Variants in KLRG1 observed in about 807,000 individuals in gnomAD.
The protein encoded by KLRG1 is killer cell lectin like receptor G1.
Under a neutral mutation model 21.8 loss-of-function variants are expected in KLRG1, and 16 were observed. The ratio of observed to expected loss-of-function variants is 0.73; its 90% confidence interval spans 0.50 to 1.11. KLRG1 has a LOEUF of 1.11. KLRG1 is among the 50% of genes most tolerant of loss of function. The pLI is 0.00. For missense variants in KLRG1, 173 were observed against 218.3 expected (o/e 0.79, Z 1.31); for synonymous variants, 69 against 75.9 (o/e 0.91, Z 0.47).
chr12:9,158,695 TGA>T, the KLRG1 span: 1 of 962,754 alleles, frequency 1.0e-6, no homozygotes. Context: ...CAGCTGTTAC[TGA>T]GAGTTTGGAG....
the KLRG1 span, among the ~76,000 whole-genome samples, chr12:9,108,721 C>T: frequency 6.6e-6 from 1 of 152,044 alleles, no homozygotes; most frequent in Admixed American, 6.5e-5. Flanking sequence ...ATCCAGGAAA[C>T]AAGACTTTTC....
the KLRG1 span, chr12:9,064,485 T>A: frequency 6.5e-6 from 1 of 154,700 alleles, no homozygotes; most frequent in Non-Finnish European, 1.5e-5. This position sits in a 1 kb window ranked among gnomAD's most constrained non-coding sequence, Gnocchi z 4.0. Context: ...TGGGGCGACG[T>A]GCTCCCCGGC....
At chr12:9,057,211 C>G in the KLRG1 span, among the ~76,000 whole-genome samples, 1 of 152,186 alleles carries the variant, frequency 6.6e-6, no homozygotes, top group Non-Finnish European at 1.5e-5. Flanking sequence ...GAGGTTTGGC[C>G]TCCACTTCCA....
At chr12:9,024,067 T>C in the KLRG1 span, among the ~76,000 whole-genome samples, 1 of 135,950 alleles carries the variant, frequency 7.4e-6, no homozygotes, top group East Asian at 2.2e-4. Flanking sequence ...CTCTCTCTAT[T>C]GCCCAGGCTG....
chr12:9,181,868 G>T, the KLRG1 span: 3 of 1,249,762 alleles, frequency 2.4e-6, no homozygotes, highest in East Asian at 2.5e-5. Context: ...GGGAACTGTT[G>T]GGCAACTCAT....
At chr12:9,029,019 T>C in the KLRG1 span, 2 of 591,350 alleles carry the variant, frequency 3.4e-6, no homozygotes, top group East Asian at 3.8e-5. Flanking sequence ...ATTGGTTGTT[T>C]CAAAGCTCAA....
the KLRG1 span, chr12:9,069,834 A>G: frequency 5.6e-6 from 9 of 1,610,802 alleles, no homozygotes; most frequent in Non-Finnish European, 7.6e-6. Context: ...TTGAAATACC[A>G]CAAATGTTAA....
the KLRG1 span, chr12:9,079,739 C>T: frequency 2.5e-6 from 4 of 1,613,640 alleles, no homozygotes; most frequent in Non-Finnish European, 3.4e-6. Flanking sequence ...CAAAGAGGAC[C>T]ATATTCTGCT....
At chr12:8,954,465 G>T (rs1946256335) in intron 1 of KLRG1, among the ~76,000 whole-genome samples, 1 of 151,210 alleles carries the variant, frequency 6.6e-6, no homozygotes, top group African/African-American at 2.4e-5. Flanking sequence ...ATGTTAATTT[G>T]CTTGACTGAA....
the KLRG1 span, chr12:9,095,510 T>G: frequency 6.3e-7 from 1 of 1,595,976 alleles, no homozygotes; most frequent in South Asian, 1.1e-5. Context: ...AAGCTTAAGA[T>G]CAGACCATCT....
chr12:9,111,660 A>C, the KLRG1 span: 24 of 396,246 alleles, frequency 6.1e-5, no homozygotes, highest in Non-Finnish European at 1.5e-5. Flanking sequence ...AATGTGAAGA[A>C]GTTAATTTGG....
the KLRG1 span, among the ~76,000 whole-genome samples, chr12:9,063,142 T>C: frequency 1.3e-5 from 2 of 152,186 alleles, no homozygotes; most frequent in African/African-American, 4.8e-5. Context: ...AGCATTGGGA[T>C]TATAGGCATG....
chr12:9,012,545 C>T (rs981921554), downstream of KLRG1, among the ~76,000 whole-genome samples: 1 of 151,838 alleles, frequency 6.6e-6, no homozygotes, highest in Non-Finnish European at 1.5e-5. Flanking sequence ...TGACCCAGCA[C>T]ATTGTTAGCT....
At chr12:9,144,629 C>T in the KLRG1 span, among the ~76,000 whole-genome samples, 1 of 152,060 alleles carries the variant, frequency 6.6e-6, no homozygotes, top group African/African-American at 2.4e-5. Flanking sequence ...TTAGTCAGGA[C>T]CACTCTCTCT....
the KLRG1 span, chr12:9,072,801 G>T: frequency 2.5e-6 from 4 of 1,614,218 alleles, no homozygotes; most frequent in Non-Finnish European, 3.4e-6. Context: ...AGTCACCTGT[G>T]CAGCCTTCCC....
intron 1 of KLRG1, chr12:8,991,988 T>A: frequency 2.4e-6 from 1 of 419,262 alleles, no homozygotes; most frequent in East Asian, 4.3e-5. Flanking sequence ...AAGCATTCTT[T>A]ATCTTGATAA....
At chr12:9,062,630 T>TTATACATATACATTTATATGTATAA in the KLRG1 span, among the ~76,000 whole-genome samples, 5 of 147,818 alleles carry the variant, frequency 3.4e-5, no homozygotes, top group African/African-American at 1.2e-4. Context: ...TATGTATATA[T>TTATACATATACATTTATATGTATAA]TATACATATA....
the KLRG1 span, among the ~76,000 whole-genome samples, chr12:9,023,822 C>T: frequency 1.3e-5 from 2 of 151,904 alleles, no homozygotes; most frequent in Non-Finnish European, 2.9e-5. Context: ...TCCTGGGCTG[C>T]TGGGATTACA....
chr12:9,032,378 C>T, the KLRG1 span, among the ~76,000 whole-genome samples: 3 of 152,162 alleles, frequency 2.0e-5, no homozygotes, highest in Non-Finnish European at 4.4e-5. Context: ...ACCACCTTTG[C>T]GAAATTATGA....
Sources: gnomAD v4.1 joint callset for allele counts (sites outside exome capture counted in the v4.1 genomes callset) on GRCh38, gnomAD v4.1.1 for gene constraint, Gnocchi (gnomAD v3.1) non-coding constraint, MANE v1.5 for transcripts, NCBI Gene and HGNC (gene_info 2026-07-23, HGNC 2026-07-21) for gene names.